The following SMC6 variants were observed in gnomAD, a reference collection of about 807,000 sequenced individuals.
SMC6 encodes structural maintenance of chromosomes 6.
A neutral mutation model predicts 142.2 loss-of-function variants in SMC6; 79 were observed. The ratio of observed to expected loss-of-function variants is 0.56; its 90% CI spans 0.46 to 0.67. The LOEUF is 0.67. Among genes scored for constraint, SMC6 ranks in the 30% least tolerant of loss-of-function variants. The probability of loss-of-function intolerance (pLI) is 0.00; values close to 1 mark genes in which losing one functional copy is unlikely to be tolerated. For missense variants in SMC6, 1,072 were observed against 1,284.0 expected, an observed-to-expected ratio of 0.83 and a Z score of 2.52; for synonymous variants, 411 against 412.4, an observed-to-expected ratio of 1.00 and a Z score of 0.04.
At position 17,696,278 on chromosome 2, in the gene SMC6, T is replaced by C. The variant is rs767875294; in HGVS notation, c.2532+11A>G. ...TGAAAACAAAATAACTTGAAAAAAA[T>C]GGTGAAAAACCTCTAGTTCTTTCTC... is the stretch of plus-strand genomic sequence containing the variant. On this transcript the variant is annotated intron_variant, in intron 22 of 27. Transcript: ENST00000448223. 1.3e-6 allele frequency: 2 copies of C among 1,579,374 alleles called. No individual in the cohort carries two copies. Among genetic ancestry groups the C allele is most frequent in the South Asian group, 1.2e-5 (1 of 84,094 alleles).
intron 23 of SMC6, among the ~76,000 whole-genome samples, chr2:17,693,433 A>T (rs928420029): frequency 5.3e-5 from 8 of 152,148 alleles, no homozygotes; most frequent in Non-Finnish European, 1.0e-4. Flanking sequence ...TTCTCAGCAA[A>T]CTATCACAAG....
intron 7 of SMC6, among the ~76,000 whole-genome samples, chr2:17,727,023 T>C (rs1669662017): frequency 6.6e-6 from 1 of 152,216 alleles, no homozygotes. Context: ...TATTATTCCT[T>C]CATGAGGATA....
intron 2 of SMC6, among the ~76,000 whole-genome samples, chr2:17,746,818 CTAATT>C (rs1458034917): frequency 1.3e-5 from 2 of 152,106 alleles, no homozygotes; most frequent in Admixed American, 6.5e-5. Context: ...TGATAGGTAT[CTAATT>C]TAATTGTTTG....
In SMC6 at chr2:17,716,881, T is replaced by C. The variant is rs1225212881; in HGVS notation, c.1206A>G (p.Glu402=). 2 of 1,610,256 alleles carry C rather than the reference T, an allele frequency of 1.2e-6. No homozygotes were observed. The highest frequency in any genetic ancestry group is 1.7e-5 in the Admixed American group (1 of 59,346). Reference sequence around the variant, plus strand: ...ATATTTTTTTTTGTCTTTCCAACCGTTCAGGTTCCAAAGATTGGTCAGTAC... The same window carrying C: ...ATATTTTTTTTTGTCTTTCCAACCGCTCAGGTTCCAAAGATTGGTCAGTAC... ...KKSTDQSLEP[E]RLERQKKISW... The change falls in exon 14 of 28, where the codon GAA becomes GAG. Residue 402 remains glutamate (E), a synonymous_variant. Coordinates refer to ENST00000448223, the MANE Select transcript of SMC6 (RefSeq NM_001142286.2).
chr2:17,737,448 T>C (rs1670214150), intron 5 of SMC6, among the ~76,000 whole-genome samples: 1 of 152,226 alleles, frequency 6.6e-6, no homozygotes, highest in East Asian at 1.9e-4. Flanking sequence ...GGCATTTTGC[T>C]GTTATGAAAA....
intron 26 of SMC6, among the ~76,000 whole-genome samples, chr2:17,667,412 A>G (rs1240835902): frequency 6.6e-6 from 1 of 152,246 alleles, no homozygotes; most frequent in African/African-American, 2.4e-5. Context: ...AGGTTTTGGG[A>G]TTAAATGGTC....
rs535630565 is a variant in SMC6 at position 17,713,740 on chromosome 2, G to A, written c.1730+1121C>T. Among the ~76,000 whole-genome samples, 6 of 152,292 alleles carry A rather than the reference G, an allele frequency of 3.9e-5. No homozygotes were observed. The Middle Eastern group carries it at 0.014, about 345-fold the overall frequency. On this transcript the variant is annotated intron_variant, in intron 16 of 27. Transcript: ENST00000448223. ...TTTTGCCCAAATCTCTGTGCTATCT[G>A]TTTCTTCCTATCAAAAATGCAAATG...
chr2:17,700,423 A>G (rs1668212802), intron 20 of SMC6, 45 bp from the exon 21 acceptor site: 2 of 1,428,440 alleles, frequency 1.4e-6, no homozygotes, highest in African/African-American at 2.9e-5. Flanking sequence ...AAATACTTTA[A>G]GTTTTCAAAT....
intron 17 of SMC6, among the ~76,000 whole-genome samples, chr2:17,707,997 TACACAC>T (rs10540609): frequency 0.5 from 73,621 of 148,478 alleles, 20,058 homozygotes; most frequent in African/African-American, 0.73. Flanking sequence ...TGTATATATA[TACACAC>T]ACACACACAC....
chr2:17,726,591 G>T, intron 7 of SMC6, 122 bp from the exon 8 acceptor site: 1 of 652,950 alleles, frequency 1.5e-6, no homozygotes, highest in Non-Finnish European at 2.6e-6. Flanking sequence ...AATAGCCAAA[G>T]GTTATAACGT....
intron 23 of SMC6, among the ~76,000 whole-genome samples, chr2:17,690,520 G>A (rs904585520): frequency 1.3e-5 from 2 of 152,034 alleles, no homozygotes; most frequent in Non-Finnish European, 2.9e-5. Context: ...CTTGAACCCA[G>A]GAGGCAGAGG....
At chr2:17,733,048 T>C (rs1669985091) in intron 5 of SMC6, among the ~76,000 whole-genome samples, 1 of 152,240 alleles carries the variant, frequency 6.6e-6, no homozygotes, top group African/African-American at 2.4e-5. Context: ...ACCTGGTTCA[T>C]ATGAGCATCT....
In SMC6 at chr2:17,721,181, A is replaced by T. The variant is rs2125013776; in HGVS notation, c.807T>A (p.Thr269=). 1 of 1,612,388 alleles carries T rather than the reference A, an allele frequency of 6.2e-7. No individual in the cohort carries two copies. Among genetic ancestry groups the T allele is most frequent in the Admixed American group, 1.7e-5 (1 of 59,690 alleles). ...TTTCATGTTTCAAGGACTCTAAATTAGTCTTCATTGTACTTAAACCAGCAA... is the reference window on the plus strand; with the variant it reads ...TTTCATGTTTCAAGGACTCTAAATTTGTCTTCATTGTACTTAAACCAGCAA... ...QSIAGLSTMK[T]NLESLKHEMA... The change falls in exon 10 of 28, where the codon ACT becomes ACA. Residue 269 remains threonine, a synonymous_variant. Coordinates refer to ENST00000448223, the MANE Select transcript of SMC6 (RefSeq NM_001142286.2).
At chr2:17,695,023 T>C (rs916654051) in intron 23 of SMC6, 129 bp downstream of exon 23, 6 of 960,314 alleles carry the variant, frequency 6.2e-6, no homozygotes, top group Middle Eastern at 2.1e-4. Flanking sequence ...TATAAAGGAC[T>C]ACTTCAGCTA....
intron 21 of SMC6, among the ~76,000 whole-genome samples, chr2:17,697,671 G>T (rs1331315077): frequency 6.6e-6 from 1 of 152,008 alleles, no homozygotes; most frequent in Non-Finnish European, 1.5e-5. Context: ...CACTAGCATG[G>T]TTAAAATTAA....
At chr2:17,739,292 T>G (rs1670308804) in intron 4 of SMC6, among the ~76,000 whole-genome samples, 3 of 152,102 alleles carry the variant, frequency 2.0e-5, no homozygotes, top group Non-Finnish European at 4.4e-5. Flanking sequence ...GAGGCTCATC[T>G]GAGACCAGAG....
intron 14 of SMC6, 34 bp from the exon 15 acceptor site, chr2:17,716,298 T>C (rs765918614): frequency 3.5e-5 from 55 of 1,576,260 alleles, no homozygotes; most frequent in Admixed American, 1.2e-4. Flanking sequence ...AGAACATATA[T>C]GTGATAGTTT....
At chr2:17,694,914 A>T (rs1022998010) in intron 23 of SMC6, among the ~76,000 whole-genome samples, 1 of 152,216 alleles carries the variant, frequency 6.6e-6, no homozygotes, top group Non-Finnish European at 1.5e-5. Context: ...TATGAACCTT[A>T]TAGATACACG....
intron 9 of SMC6, among the ~76,000 whole-genome samples, chr2:17,724,918 A>G (rs1364330615): frequency 1.3e-5 from 2 of 152,202 alleles, no homozygotes; most frequent in African/African-American, 2.4e-5. Flanking sequence ...CAGTTTTTAA[A>G]CTACTTATAG....
Sources: allele counts gnomAD v4.1 joint callset (sites outside exome capture counted in the v4.1 genomes callset), GRCh38; gene constraint gnomAD v4.1.1; transcripts MANE v1.5; gene names NCBI Gene and HGNC (gene_info 2026-07-23, HGNC 2026-07-21).